Variants in PRAMEF20 observed in about 807,000 individuals in gnomAD.
PRAMEF20 encodes the protein PRAME family member 20/21.
In PRAMEF20, 27 loss-of-function variants were observed where a neutral mutation model predicts 32.4. The observed-to-expected ratio is 0.83, with a 90% CI of 0.61 to 1.15. The LOEUF (loss-of-function observed/expected upper bound fraction) is 1.15, where lower values mean the gene tolerates loss of function less well. PRAMEF20 is among the 50% of genes most tolerant of loss of function. PRAMEF20 has a pLI of 0.00. For synonymous variants in PRAMEF20, 256 were observed against 235.4 expected, an observed-to-expected ratio of 1.09 and a Z score of -0.80; for missense variants, 604 against 584.5, an observed-to-expected ratio of 1.03 and a Z score of -0.34.
chr1:13,411,344 C>T, the PRAMEF20 span, among the ~76,000 whole-genome samples: 3 of 151,742 alleles, frequency 2.0e-5, no homozygotes, highest in African/African-American at 7.3e-5. Flanking sequence ...TCCCCCCCAC[C>T]GCCAAAATAT....
intron 2 of PRAMEF20, among the ~76,000 whole-genome samples, chr1:13,419,585 C>A (rs1641220092): frequency 6.6e-6 from 1 of 152,002 alleles, no homozygotes; most frequent in Non-Finnish European, 1.5e-5. Context: ...CCACGCCCGG[C>A]TAATTTTTGT....
intron 2 of PRAMEF20, 27 bp downstream of exon 3, chr1:13,418,727 G>A: frequency 9.3e-6 from 15 of 1,611,980 alleles, no homozygotes; most frequent in Non-Finnish European, 1.3e-5. Flanking sequence ...AGCTTTCTCT[G>A]CAGACCACAG....
At chr1:13,421,118 T>C in exon 3 of PRAMEF20, 1 of 1,613,922 alleles carries the variant, frequency 6.2e-7, no homozygotes, top group Non-Finnish European at 8.5e-7. Flanking sequence ...CCGGAGCAGA[T>C]TTGCCCAACT....
chr1:13,421,172 G>C, exon 3 of PRAMEF20: 1 of 1,612,580 alleles, frequency 6.2e-7, no homozygotes, highest in Non-Finnish European at 8.5e-7. Context: ...AAGGGAGCCC[G>C]AGAGGATCTT....
chr1:13,421,210 T>C (rs1641240450), exon 3 of PRAMEF20: 1 of 1,613,850 alleles, frequency 6.2e-7, no homozygotes, highest in South Asian at 1.1e-5. Context: ...GCCCTCAGTG[T>C]GGCAACAGGT....
chr1:13,417,856 C>T (rs1171182117), intron 1 of PRAMEF20, among the ~76,000 whole-genome samples: 1 of 149,810 alleles, frequency 6.7e-6, no homozygotes, highest in Non-Finnish European at 1.5e-5. Context: ...ATTCTCCTGC[C>T]TCAGCCTCCC....
intron 1 of PRAMEF20, among the ~76,000 whole-genome samples, 169 bp from the exon 3 acceptor site, chr1:13,417,953 T>TG (rs1253350852): frequency 6.2e-5 from 9 of 144,026 alleles, no homozygotes; most frequent in South Asian, 2.3e-4. Flanking sequence ...TGTGTGTGTG[T>TG]TTAGTAGAGA....
upstream of PRAMEF20, among the ~76,000 whole-genome samples, chr1:13,411,422 C>G (rs1242528355): frequency 3.3e-5 from 5 of 152,018 alleles, no homozygotes; most frequent in African/African-American, 9.7e-5. Context: ...AACCCACCCC[C>G]CTTCAAAAAA....
chr1:13,419,790 T>G (rs71183797), intron 2 of PRAMEF20, among the ~76,000 whole-genome samples: 11,078 of 152,200 alleles, frequency 0.073, 486 homozygotes, highest in South Asian at 0.12. Flanking sequence ...AAGAGGGGAA[T>G]GCTCAGCAAA....
Position 13,416,635 on chromosome 1 carries a change from G to A in PRAMEF20, c.281G>A (p.Arg94His), listed in dbSNP as rs779646091. Residue 94 changes from arginine (R) to histidine (H), a missense_variant, in exon 1 of 3, where the codon CGT (arginine) becomes CAT (histidine). By Grantham distance (29) the Arg-to-His change is conservative. Coordinates refer to ENST00000602960, the Ensembl canonical transcript of PRAMEF20. ...GATGCACTGCTTACCCACAGGGTTC[G>A]TCTCAGGTGAGGTGGCCCAAGTGGG... 20 of 1,613,986 alleles carry A rather than the reference G, an allele frequency of 1.2e-5. No homozygotes were observed. The highest frequency in any genetic ancestry group is 2.7e-5 in the African/African-American group (2 of 74,928).
In PRAMEF20 at chr1:13,418,009, T is replaced by C. The variant is rs1426902455; in HGVS notation, c.288-113T>C. ...CAGGATGTTCTCGATCTCCTGACCT[T>C]GTGATCCGCCCGCCTTGGCCTCCCA... On this transcript the variant is annotated intron_variant, in intron 1 of 2. Transcript: ENST00000602960. 4 of 1,553,074 alleles carry C rather than the reference T, an allele frequency of 2.6e-6. No individual in the cohort carries two copies. In the South Asian group the frequency reaches 4.6e-5, roughly 18 times the overall value.
chr1:13,414,208 A>ATTTTTTTTTTT (rs149194621), upstream of PRAMEF20, among the ~76,000 whole-genome samples: 29 of 123,268 alleles, frequency 2.4e-4, no homozygotes, highest in Non-Finnish European at 2.9e-4. Flanking sequence ...CACCTGACTA[A>ATTTTTTTTTTT]TTTTTTTTTT....
At chr1:13,411,831 A>T (rs1569862537), upstream of PRAMEF20, among the ~76,000 whole-genome samples, 5 of 152,214 alleles carry the variant, frequency 3.3e-5, no homozygotes, top group South Asian at 1.0e-3. Context: ...CTGTGCCCTC[A>T]TTGTTCCACC....
chr1:13,417,804 C>G (rs1416658468), intron 1 of PRAMEF20, among the ~76,000 whole-genome samples: 2 of 144,986 alleles, frequency 1.4e-5, no homozygotes, highest in South Asian at 2.2e-4. Context: ...TGCAGTGGCG[C>G]GATCTCAGCT....
chr1:13,417,734 C>CTTT (rs1275843024), intron 1 of PRAMEF20, among the ~76,000 whole-genome samples: 1 of 125,584 alleles, frequency 8.0e-6, no homozygotes, highest in South Asian at 2.7e-4. Context: ...GAAGTGAGTC[C>CTTT]TTTTTTTTTT....
chr1:13,418,657 A>C lies in PRAMEF20; in HGVS notation c.823A>C (p.Asn275His), dbSNP rs1369561458. ...GCGCTGCCTCCAAAAGCTTTATATGAACTCTGTTTCTTTCCTCGAAGGCCA... is the reference window on the plus strand; with the variant it reads ...GCGCTGCCTCCAAAAGCTTTATATGCACTCTGTTTCTTTCCTCGAAGGCCA... Residue 275 changes from asparagine to histidine, a missense_variant, in exon 2 of 3, where the codon AAC becomes CAC. Physicochemically the swap from Asn to His is moderately conservative, Grantham distance 68 (BLOSUM62 1). Transcript: ENST00000602960. The C allele has an allele frequency of 6.2e-6, 10 of 1,613,816 alleles. No homozygotes were observed. In the African/African-American group the frequency reaches 1.3e-4, roughly 22 times the overall value.
the PRAMEF20 span, among the ~76,000 whole-genome samples, chr1:13,410,905 T>C: frequency 1.3e-5 from 2 of 152,092 alleles, no homozygotes; most frequent in Non-Finnish European, 2.9e-5. Flanking sequence ...TTGGCCAGGC[T>C]GCAGTGCAGT....
At position 13,416,463 on chromosome 1, in the gene PRAMEF20, C is replaced by T. The variant is rs763463965; in HGVS notation, c.109C>T (p.Pro37Ser). 1.1e-5 allele frequency: 18 copies of T among 1,613,874 alleles called. No homozygotes were observed. In the African/African-American group the frequency reaches 1.6e-4, roughly 14 times the overall value. Reference sequence around the variant, plus strand: ...GGAGGAGCTGCCCACGGAACTTTTTCCCCCATTGTTCATGGAGGCCTTCAG... The same window carrying T: ...GGAGGAGCTGCCCACGGAACTTTTTTCCCCATTGTTCATGGAGGCCTTCAG... The change falls in exon 1 of 3, where the codon CCC (proline) becomes TCC (serine). Residue 37 changes from proline (P) to serine (S), a missense_variant. Transcript: ENST00000602960.
At chr1:13,414,471 T>C (rs1641144275), upstream of PRAMEF20, among the ~76,000 whole-genome samples, 1 of 152,116 alleles carries the variant, frequency 6.6e-6, no homozygotes. Flanking sequence ...ACTAAAAGTT[T>C]TTTTTGAGAC....
Sources: allele counts gnomAD v4.1 joint callset (sites outside exome capture counted in the v4.1 genomes callset), GRCh38; gene constraint gnomAD v4.1.1; transcripts MANE v1.5; gene names NCBI Gene and HGNC (gene_info 2026-07-23, HGNC 2026-07-21).